Variants in APOBEC3F observed in about 807,000 individuals in gnomAD.
APOBEC3F encodes DNA dC->dU-editing enzyme APOBEC-3F.
Under a neutral mutation model 45.8 loss-of-function variants are expected in APOBEC3F, and 34 were observed. That is an observed-to-expected ratio of 0.74 (90% CI 0.57 to 0.99). APOBEC3F has a LOEUF of 0.99. Among genes scored for constraint, APOBEC3F ranks in the 50% least tolerant of loss-of-function variants. The pLI is 0.00. For missense variants in APOBEC3F, 459 were observed against 474.1 expected (o/e 0.97, Z 0.30); for synonymous variants, 192 against 174.4 (o/e 1.10, Z -0.80).
At chr22:39,041,294 A>G (rs1601490571) in intron 1 of APOBEC3F, among the ~76,000 whole-genome samples, 1 of 152,290 alleles carries the variant, frequency 6.6e-6, no homozygotes, top group South Asian at 2.1e-4. Context: ...TCTTTCCGCC[A>G]TTCCTGAACT....
At chr22:39,046,825 A>G (rs1927248124) in intron 4 of APOBEC3F, among the ~76,000 whole-genome samples, 1 of 152,040 alleles carries the variant, frequency 6.6e-6, no homozygotes, top group Non-Finnish European at 1.5e-5. Flanking sequence ...AATGTTGGCC[A>G]GGTGTTGAGT....
rs1555902859 is a variant in APOBEC3F, at chr22:39,052,988, A to ATTTT, written c.*306_*309dup. The ATTTT allele has an allele frequency of 1.4e-5, 3 of 215,464 alleles. No individual in the cohort carries two copies. The highest frequency in any genetic ancestry group is 6.1e-5 in the Admixed American group (1 of 16,388). The allele number at this position is 215,464 out of a possible 1,614,324, so 13.3% of individuals were successfully genotyped here. On this transcript the variant is annotated 3_prime_UTR_variant, in exon 7 of 7. Transcript: ENST00000308521. ...TCCCATCTCCCCAGCATAACCTAAT[A>ATTTT]TTTTTTTTTTTTTTTTGAGACGGAA...
intron 2 of APOBEC3F, among the ~76,000 whole-genome samples, chr22:39,043,467 A>AT (rs542976503): frequency 0.052 from 7,175 of 139,002 alleles, 484 homozygotes; most frequent in African/African-American, 0.14. Context: ...CGCCCAGCTA[A>AT]TTTTTTTTTT....
chr22:39,045,331 C>A, intron 3 of APOBEC3F, 97 bp from the exon 4 acceptor site: 1 of 1,604,044 alleles, frequency 6.2e-7, no homozygotes, highest in Non-Finnish European at 8.5e-7. Context: ...AGGGGCGGGG[C>A]CAGCACTGAC....
At position 39,044,573 on chromosome 22, in the gene APOBEC3F, A is replaced by G. The variant is rs1200387405; in HGVS notation, c.172-368A>G. The G allele has an allele frequency of 3.9e-5, 21 of 534,234 alleles. No individual in the cohort carries two copies. In the East Asian group the frequency reaches 7.2e-4, roughly 18 times the overall value. 33.1% of individuals were successfully genotyped at this position (534,234 alleles called of 1,614,324 possible). On this transcript the variant is annotated intron_variant, in intron 2 of 6. Transcript: ENST00000308521. ...TGGGATGTCGAGTCACTGCTGCTCC[A>G]TGCCACGGGGACAAGAGGAAGCAGT...
In APOBEC3F at chr22:39,055,855, G is replaced by T. The variant is rs867378153; in HGVS notation, c.*3160G>T. On this transcript the variant is annotated 3_prime_UTR_variant, in exon 7 of 7. Coordinates refer to ENST00000308521, the MANE Select transcript of APOBEC3F (RefSeq NM_145298.6). ...GCACAATCTATCACGACCCTTTCACGTGGACCCCTTAGAATTGTAAGCCCT... is the reference window on the plus strand; with the variant it reads ...GCACAATCTATCACGACCCTTTCACTTGGACCCCTTAGAATTGTAAGCCCT... Among the ~76,000 whole-genome samples, 1 of 151,946 alleles carries T rather than the reference G, an allele frequency of 6.6e-6. No homozygotes were observed. Among genetic ancestry groups the T allele is most frequent in the Non-Finnish European group, 1.5e-5 (1 of 68,002 alleles).
chr22:39,043,109 T>G lies in APOBEC3F; in HGVS notation c.171+19T>G. ...AGGCCAGGTACCACCCGGACTTCAA[T>G]CACTTTGCAGGCAGGAGCTAAGCCA... On this transcript the variant is annotated intron_variant, in intron 2 of 6. Coordinates refer to ENST00000308521, the MANE Select transcript of APOBEC3F (RefSeq NM_145298.6). The G allele has an allele frequency of 6.2e-7, 1 of 1,613,770 alleles. No homozygotes were observed. The highest frequency in any genetic ancestry group is 8.5e-7 in the Non-Finnish European group (1 of 1,179,852).
rs377404689 is a variant in APOBEC3F at position 39,053,920 on chromosome 22, A to C, written c.*1225A>C. 6.6e-6 allele frequency: 1 copy of C among 152,224 alleles called. No homozygotes were observed. The highest frequency in any genetic ancestry group is 2.4e-5 in the African/African-American group (1 of 41,450). The allele number at this position is 152,224 out of a possible 1,614,324, so 9.4% of individuals were successfully genotyped here. ...GGCTGTAAGTCTTGGACTCCTTGCT[A>C]TAATCGCAGCTATTCAGCAATGGAA... is the stretch of plus-strand genomic sequence containing the variant. On this transcript the variant is annotated 3_prime_UTR_variant, in exon 7 of 7. Coordinates refer to ENST00000308521, the MANE Select transcript of APOBEC3F (RefSeq NM_145298.6).
chr22:39,042,310 CTTTTTTT>C (rs759396493), intron 1 of APOBEC3F, among the ~76,000 whole-genome samples: 5 of 94,388 alleles, frequency 5.3e-5, no homozygotes, highest in Non-Finnish European at 8.0e-5. Flanking sequence ...TTCTCTCTCT[CTTTTTTT>C]TTTTTTTTTT....
At chr22:39,048,203 A>C (rs1927312803) in intron 4 of APOBEC3F, among the ~76,000 whole-genome samples, 1 of 152,248 alleles carries the variant, frequency 6.6e-6, no homozygotes, top group African/African-American at 2.4e-5. Flanking sequence ...CCTGTGATGC[A>C]GAGGCTGGAC....
At position 39,053,985 on chromosome 22, in the gene APOBEC3F, C is replaced by G. The variant is rs182154925; in HGVS notation, c.*1290C>G. On this transcript the variant is annotated 3_prime_UTR_variant, in exon 7 of 7. Transcript: ENST00000308521. ...ACCCTTCCTAGTGCCCATGGGCTTT[C>G]CCATAGGACAAGAGAACATTTCTCC... is the stretch of plus-strand genomic sequence containing the variant. The G allele has an allele frequency of 3.9e-5, 6 of 152,150 alleles. No homozygotes were observed. Among genetic ancestry groups the G allele is most frequent in the African/African-American group, 1.4e-4 (6 of 41,418 alleles). 9.4% of individuals were successfully genotyped at this position (152,150 alleles called of 1,614,324 possible). A position where few individuals can be genotyped will look rare whatever the true frequency, so the allele number is the denominator to read the frequency against.
Position 39,055,360 on chromosome 22 carries a change from C to T in APOBEC3F, c.*2665C>T, listed in dbSNP as rs1927656665. Among the ~76,000 whole-genome samples the T allele has an allele frequency of 6.6e-6, 1 of 151,394 alleles. No individual in the cohort carries two copies. The highest frequency in any genetic ancestry group is 2.4e-5 in the African/African-American group (1 of 41,080). ...GTGCTGGGATTACAGATATAAGCCA[C>T]CATACACAACTTTTTTTTTTTTTTG... On this transcript the variant is annotated 3_prime_UTR_variant, in exon 7 of 7. Transcript: ENST00000308521.
At chr22:39,041,693 G>C (rs1490200051) in intron 1 of APOBEC3F, among the ~76,000 whole-genome samples, 2 of 151,906 alleles carry the variant, frequency 1.3e-5, no homozygotes, top group Non-Finnish European at 2.9e-5. Context: ...GATAAACCCT[G>C]TCTCTACTAA....
In APOBEC3F at chr22:39,043,263, G is replaced by T. The variant is rs532946167; in HGVS notation, c.171+173G>T. 4.6e-5 allele frequency among the ~76,000 whole-genome samples: 7 copies of T among 151,446 alleles called. No homozygotes were observed. In the East Asian group the frequency reaches 1.4e-3, roughly 30 times the overall value. On this transcript the variant is annotated intron_variant, in intron 2 of 6. Transcript: ENST00000308521. ...TGCTGGACCGTCCTGGGATCGGATCGTGGAGGGGGTTTGCCTTTGCACAAA... is the reference window on the plus strand; with the variant it reads ...TGCTGGACCGTCCTGGGATCGGATCTTGGAGGGGGTTTGCCTTTGCACAAA...
chr22:39,043,827 T>A (rs995345368), intron 2 of APOBEC3F, among the ~76,000 whole-genome samples: 1 of 151,224 alleles, frequency 6.6e-6, no homozygotes, highest in Admixed American at 6.6e-5. Context: ...GAAAACCAGC[T>A]TGGCCAACAT....
chr22:39,053,399 A>G lies in APOBEC3F; in HGVS notation c.*704A>G, dbSNP rs930993207. ...AGAGGTGAGAGAATCGCTTGAGCCC[A>G]GGAATTCGAGACCAGCCTGGGCCAC... On this transcript the variant is annotated 3_prime_UTR_variant, in exon 7 of 7. Transcript: ENST00000308521. 31 of 151,774 alleles carry G rather than the reference A, an allele frequency of 2.0e-4. No homozygotes were observed. Among genetic ancestry groups the G allele is most frequent in the African/African-American group, 7.5e-4 (31 of 41,284 alleles). 9.4% of individuals were successfully genotyped at this position (151,774 alleles called of 1,614,324 possible).
chr22:39,048,911 G>A lies in APOBEC3F; in HGVS notation c.567-514G>A, dbSNP rs1484501844. ...GAGGCAGGAGAATCACTTCAACCCG[G>A]GAGGTGCAGGTTGCAGTAAGCTGAG... On this transcript the variant is annotated intron_variant, in intron 4 of 6. Transcript: ENST00000308521. 5.9e-5 allele frequency among the ~76,000 whole-genome samples: 9 copies of A among 151,800 alleles called. 1 individual carries two copies. The highest frequency in any genetic ancestry group is 1.3e-4 in the Non-Finnish European group (9 of 67,986).
chr22:39,052,404 G>A, intron 6 of APOBEC3F, 51 bp downstream of exon 6: 1 of 1,603,686 alleles, frequency 6.2e-7, no homozygotes, highest in Non-Finnish European at 8.5e-7. Context: ...ACAGCATGAG[G>A]GGCAGGTGTG....
At chr22:39,042,664 G>GA (rs1260665059) in intron 1 of APOBEC3F, among the ~76,000 whole-genome samples, 1 of 152,138 alleles carries the variant, frequency 6.6e-6, no homozygotes, top group Non-Finnish European at 1.5e-5. Context: ...ATGGGTGGGA[G>GA]AAATACTGGG....
Sources: allele counts gnomAD v4.1 joint callset (sites outside exome capture counted in the v4.1 genomes callset), GRCh38; gene constraint gnomAD v4.1.1; transcripts MANE v1.5; gene names NCBI Gene and HGNC (gene_info 2026-07-23, HGNC 2026-07-21).